LSM14A: variants seen among roughly 807,000 people sequenced by gnomAD.
The protein encoded by LSM14A is protein LSM14 homolog A.
LSM14A carries 14 observed loss-of-function variants against 52.4 expected under a neutral mutation model. The ratio of observed to expected loss-of-function variants is 0.27; its 90% CI spans 0.18 to 0.42. LSM14A has a LOEUF of 0.42. Among genes scored for constraint, LSM14A ranks in the 10% least tolerant of loss-of-function variants. The pLI, the probability that LSM14A is intolerant of heterozygous loss-of-function variation, is 1.00. For synonymous variants in LSM14A, 185 were observed against 200.3 expected (o/e 0.92, Z 0.64); for missense variants, 417 against 581.8 (o/e 0.72, Z 2.91).
At chr19:34,196,819 C>G in intron 3 of LSM14A, 56 bp downstream of exon 3, 2 of 1,454,468 alleles carry the variant, frequency 1.4e-6, no homozygotes, top group Non-Finnish European at 1.9e-6. Context: ...TTCTTTACCA[C>G]AAAGGTATAG....
chr19:34,191,721 TAGA>T (rs1384249562), intron 1 of LSM14A, among the ~76,000 whole-genome samples: 5 of 152,192 alleles, frequency 3.3e-5, no homozygotes, highest in African/African-American at 9.6e-5. Flanking sequence ...TCTAATTTTG[TAGA>T]AGAAGGGCCT....
At chr19:34,178,372 G>C (rs561874200) in intron 1 of LSM14A, among the ~76,000 whole-genome samples, 1 of 152,260 alleles carries the variant, frequency 6.6e-6, no homozygotes, top group South Asian at 2.1e-4. Flanking sequence ...TTGATCCTCG[G>C]AACCTAAGCA....
intron 3 of LSM14A, among the ~76,000 whole-genome samples, chr19:34,200,305 G>T (rs1188814294): frequency 2.6e-5 from 4 of 152,200 alleles, no homozygotes; most frequent in Non-Finnish European, 5.9e-5. Context: ...CTTTTAAAAA[G>T]TTGGCGTGTT....
At chr19:34,187,853 A>AT (rs1382724869) in intron 1 of LSM14A, among the ~76,000 whole-genome samples, 2 of 151,882 alleles carry the variant, frequency 1.3e-5, no homozygotes, top group Non-Finnish European at 2.9e-5. Flanking sequence ...TAGATGAGTG[A>AT]TTTTGCCAAA....
Position 34,221,672 on chromosome 19 carries a change from T to C in LSM14A, c.1302T>C (p.Pro434=), listed in dbSNP as rs138875917. The C allele has an allele frequency of 1.1e-4, 174 of 1,614,028 alleles. No homozygotes were observed. The Middle Eastern group carries it at 1.2e-3, about 11-fold the overall frequency. ...GCAGAGGTGGTACCTTCACTGCCCC[T>C]CGAGGATTTCGCGGTGGATTCAGAG... ...GGGRGGTFTA[P]RGFRGGFRGG... The change falls in exon 9 of 10, where the codon CCT becomes CCC. Residue 434 remains proline, a synonymous_variant. Coordinates refer to ENST00000544216, the MANE Select transcript of LSM14A (RefSeq NM_015578.4).
At chr19:34,197,886 C>T (rs998191179) in intron 3 of LSM14A, among the ~76,000 whole-genome samples, 5 of 152,048 alleles carry the variant, frequency 3.3e-5, no homozygotes, top group African/African-American at 9.7e-5. Context: ...CAGGGCTGGG[C>T]GAATGACAGG....
intron 4 of LSM14A, among the ~76,000 whole-genome samples, chr19:34,209,748 G>C (rs573919729): frequency 4.6e-5 from 7 of 151,810 alleles, no homozygotes; most frequent in African/African-American, 1.7e-4. Context: ...TATTGCCCAG[G>C]CTGGTCTCGA....
At chr19:34,190,303 G>A (rs571795385) in intron 1 of LSM14A, among the ~76,000 whole-genome samples, 1 of 152,014 alleles carries the variant, frequency 6.6e-6, no homozygotes, top group African/African-American at 2.4e-5. Flanking sequence ...CATCATTAGA[G>A]CATGTTTCTC....
chr19:34,221,762 C>A (rs745702689), intron 9 of LSM14A, 24 bp downstream of exon 9: 4 of 1,585,580 alleles, frequency 2.5e-6, no homozygotes, highest in East Asian at 2.3e-5. Context: ...TTAATAAATT[C>A]TTTGGGGTTG....
intron 6 of LSM14A, among the ~76,000 whole-genome samples, chr19:34,217,001 C>G (rs12980306): frequency 0.24 from 36,541 of 152,058 alleles, 4,564 homozygotes; most frequent in Admixed American, 0.3. Context: ...GTGGCTCACA[C>G]CTGTAATCTC....
At chr19:34,226,314 C>G in intron 9 of LSM14A, 229 of 1,059,406 alleles carry the variant, frequency 2.2e-4, no homozygotes, top group Non-Finnish European at 2.8e-4. Flanking sequence ...CAGCATAATG[C>G]TCTCTCTCCT....
At chr19:34,201,406 G>A (rs922904100) in intron 3 of LSM14A, among the ~76,000 whole-genome samples, 3 of 152,156 alleles carry the variant, frequency 2.0e-5, no homozygotes, top group African/African-American at 7.2e-5. Context: ...GCAGTGGTGC[G>A]ATCTCAGCTC....
rs1044041 is a variant in LSM14A, at chr19:34,228,038, G to C, written c.*650G>C. 3.3e-5 allele frequency: 5 copies of C among 152,520 alleles called. No homozygotes were observed. Among genetic ancestry groups the C allele is most frequent in the African/African-American group, 1.2e-4 (5 of 41,402 alleles). The allele number at this position is 152,520 out of a possible 1,614,324, so 9.4% of individuals were successfully genotyped here. A position where few individuals can be genotyped will look rare whatever the true frequency, so the allele number is the denominator to read the frequency against. On this transcript the variant is annotated 3_prime_UTR_variant, in exon 10 of 10. Transcript: ENST00000544216. ...TTGCCAAAGAAACATTAAGAACTTT[G>C]TATAGCTGTATAAAAAGCAACTAAT...
At chr19:34,180,760 T>G (rs1263758621) in intron 1 of LSM14A, among the ~76,000 whole-genome samples, 1 of 152,176 alleles carries the variant, frequency 6.6e-6, no homozygotes, top group Non-Finnish European at 1.5e-5. Context: ...ATTCCCCTCT[T>G]GCTGTCTTAT....
Position 34,221,628 on chromosome 19 carries a change from G to A in LSM14A, c.1258G>A (p.Gly420Ser), listed in dbSNP as rs2073069469. 6.2e-7 allele frequency: 1 copy of A among 1,614,018 alleles called. No homozygotes were observed. Among genetic ancestry groups the A allele is most frequent in the Admixed American group, 1.7e-5 (1 of 59,986 alleles). ...RGRGGLGFRG[G>S]RGRGGGRGGT... ...CAGAGGAGGTCTTGGTTTCCGTGGT[G>A]GCAGAGGGCGTGGTGGTGGCAGAGG... The change falls in exon 9 of 10, where the codon GGC becomes AGC. Residue 420 changes from glycine to serine, a missense_variant. Gly to Ser is a moderately conservative substitution (Grantham distance 56). This residue lies in a region of LSM14A where 357 missense variants were observed against 457.0 expected (regional missense o/e 0.78). Coordinates refer to ENST00000544216, the MANE Select transcript of LSM14A (RefSeq NM_015578.4).
intron 4 of LSM14A, 24 bp from the exon 5 acceptor site, chr19:34,215,100 T>A: frequency 6.3e-7 from 1 of 1,582,188 alleles, no homozygotes; most frequent in Non-Finnish European, 8.6e-7. Context: ...TAGGGTAGTT[T>A]GTTATCTTTT....
At chr19:34,199,963 AC>A (rs1368353649) in intron 3 of LSM14A, among the ~76,000 whole-genome samples, 4 of 152,194 alleles carry the variant, frequency 2.6e-5, no homozygotes, top group African/African-American at 9.7e-5. Flanking sequence ...GGAAAAATGT[AC>A]CCTTGTAACA....
chr19:34,215,384 A>G (rs1357281517), intron 5 of LSM14A, 84 bp downstream of exon 5: 1 of 1,314,350 alleles, frequency 7.6e-7, no homozygotes, highest in Non-Finnish European at 1.0e-6. Flanking sequence ...GATTTACTTC[A>G]TGTGAATGAT....
chr19:34,184,653 CTAAGT>C (rs1318782347), intron 1 of LSM14A, among the ~76,000 whole-genome samples: 2 of 152,142 alleles, frequency 1.3e-5, no homozygotes, highest in East Asian at 3.8e-4. Context: ...TTGCTTATGC[CTAAGT>C]TAAAAGTTTT....
Sources: gnomAD v4.1 joint callset for allele counts (sites outside exome capture counted in the v4.1 genomes callset) on GRCh38, gnomAD v4.1.1 for gene constraint, gnomAD v4.1.1 regional missense constraint, MANE v1.5 for transcripts, NCBI Gene and HGNC (gene_info 2026-07-23, HGNC 2026-07-21) for gene names.